RARB: variants seen among roughly 807,000 people sequenced by gnomAD.
RARB encodes the protein HBV-activated protein.
Under a neutral mutation model 51.9 loss-of-function variants are expected in RARB, and 17 were observed. The ratio of observed to expected loss-of-function variants is 0.33; its 90% CI spans 0.22 to 0.49. The LOEUF is 0.49. RARB is among the 20% of genes least tolerant of loss of function. RARB has a pLI of 0.99. For synonymous variants in RARB, 215 were observed against 195.4 expected (o/e 1.10, Z -0.84); for missense variants, 369 against 550.8 (o/e 0.67, Z 3.30).
chr3:24,987,030 CAG>C (rs1696809198), intron 2 of RARB, among the ~76,000 whole-genome samples: 1 of 152,160 alleles, frequency 6.6e-6, no homozygotes, highest in Non-Finnish European at 1.5e-5. Flanking sequence ...GGTTTGAAAA[CAG>C]TGTCTTTCTC....
rs187500922 is a variant in RARB, at chr3:25,267,394, C to G, written c.178+92819C>G. Among the ~76,000 whole-genome samples, 81 of 152,292 alleles carry G rather than the reference C, an allele frequency of 5.3e-4. No homozygotes were observed. In the East Asian group the frequency reaches 0.011, roughly 20 times the overall value. Reference sequence around the variant, plus strand: ...ATGCCCCCAGCTCCACTCTGGCCTTCCGCAACCCCCGTCTTTCACCTCACA... The same window carrying G: ...ATGCCCCCAGCTCCACTCTGGCCTTGCGCAACCCCCGTCTTTCACCTCACA... On this transcript the variant is annotated intron_variant, in intron 5 of 11. Coordinates refer to the RARB transcript ENST00000383772.
chr3:25,184,182 C>T (rs1700923651), intron 5 of RARB, among the ~76,000 whole-genome samples: 1 of 151,428 alleles, frequency 6.6e-6, no homozygotes, highest in African/African-American at 2.4e-5. Context: ...AGCCATTGTA[C>T]ATTTGGTGGA....
intron 2 of RARB, among the ~76,000 whole-genome samples, chr3:24,933,824 A>G (rs1695491380): frequency 6.6e-6 from 1 of 152,152 alleles, no homozygotes; most frequent in African/African-American, 2.4e-5. Flanking sequence ...TGTAAGATGT[A>G]ATGTAAAATA....
intron 5 of RARB, among the ~76,000 whole-genome samples, chr3:25,375,713 C>G (rs112559165): frequency 6.6e-5 from 10 of 152,312 alleles, no homozygotes; most frequent in African/African-American, 2.4e-4. Flanking sequence ...CTACAGTCTT[C>G]TCCCTATAAA....
intron 5 of RARB, among the ~76,000 whole-genome samples, chr3:25,186,147 C>T (rs895267064): frequency 5.3e-5 from 8 of 151,832 alleles, no homozygotes; most frequent in South Asian, 2.1e-4. Flanking sequence ...ACAACCCCAA[C>T]GAAAAATAAA....
At chr3:25,349,877 A>C (rs1031176306) in intron 5 of RARB, among the ~76,000 whole-genome samples, 1 of 152,176 alleles carries the variant, frequency 6.6e-6, no homozygotes, top group Admixed American at 6.6e-5. Flanking sequence ...GTGTAGGGTC[A>C]GCTAGGGTGG....
intron 4 of RARB, among the ~76,000 whole-genome samples, chr3:25,146,561 G>A (rs1700196977): frequency 6.9e-6 from 1 of 144,212 alleles, no homozygotes; most frequent in South Asian, 2.2e-4. Context: ...AGGCTGGAGT[G>A]CAATGGCGCG....
At chr3:25,157,061 G>A (rs1234484393) in intron 4 of RARB, among the ~76,000 whole-genome samples, 1 of 152,086 alleles carries the variant, frequency 6.6e-6, no homozygotes, top group African/African-American at 2.4e-5. Context: ...CAAGAAATTT[G>A]ACTTCTAAAA....
At chr3:24,906,065 A>C (rs536661332) in intron 2 of RARB, among the ~76,000 whole-genome samples, 1 of 152,334 alleles carries the variant, frequency 6.6e-6, no homozygotes, top group South Asian at 2.1e-4. Context: ...AAAATACAGT[A>C]CTAACAAAAA....
intron 2 of RARB, among the ~76,000 whole-genome samples, chr3:24,999,962 T>G (rs7650978): frequency 0.12 from 17,517 of 150,086 alleles, 2,888 homozygotes; most frequent in African/African-American, 0.37. Context: ...AAAAAAATAT[T>G]TTGACTTCTT....
intron 5 of RARB, among the ~76,000 whole-genome samples, chr3:25,228,893 T>C (rs1702115680): frequency 6.6e-6 from 1 of 152,136 alleles, no homozygotes; most frequent in African/African-American, 2.4e-5. Context: ...CTAGTGAAGA[T>C]TCTTCACCAA....
chr3:25,218,797 C>T (rs1701886820), intron 5 of RARB, among the ~76,000 whole-genome samples: 1 of 152,170 alleles, frequency 6.6e-6, no homozygotes, highest in Admixed American at 6.6e-5. Context: ...AATCGAGGCT[C>T]AGAGAGGTGA....
chr3:25,069,952 G>A lies in RARB; in HGVS notation c.-328+9776G>A, dbSNP rs562815429. 7.9e-5 allele frequency among the ~76,000 whole-genome samples: 12 copies of A among 152,340 alleles called. No homozygotes were observed. In the South Asian group the frequency reaches 2.3e-3, roughly 29 times the overall value. ...GTCATGACGAAGTGCCACAAGCTGG[G>A]TGGCTTAAAACAACAGAAATTTGTT... On this transcript the variant is annotated intron_variant, in intron 3 of 11. Transcript: ENST00000383772.
chr3:25,291,504 C>T (rs557138760), intron 5 of RARB, among the ~76,000 whole-genome samples: 9 of 126,870 alleles, frequency 7.1e-5, no homozygotes, highest in East Asian at 4.3e-4. Flanking sequence ...TGAACACACA[C>T]GGCTTGTTTG....
intron 5 of RARB, among the ~76,000 whole-genome samples, chr3:25,201,213 G>T (rs746910533): frequency 2.0e-5 from 3 of 152,052 alleles, no homozygotes; most frequent in Non-Finnish European, 4.4e-5. Context: ...GAGTTCACTC[G>T]TGATTTGGCT....
At chr3:25,369,377 C>T (rs35946440) in intron 5 of RARB, among the ~76,000 whole-genome samples, 29,657 of 151,986 alleles carry the variant, frequency 0.2, 3,648 homozygotes, top group Admixed American at 0.33. Flanking sequence ...ATGTGCCAGG[C>T]ACTATTCAAG....
chr3:24,836,972 G>A (rs1276330285), intron 1 of RARB, among the ~76,000 whole-genome samples: 1 of 152,136 alleles, frequency 6.6e-6, no homozygotes, highest in African/African-American at 2.4e-5. Flanking sequence ...TAAACAGGAA[G>A]GCAAATTCAC....
chr3:25,545,122 T>C (rs1277218742), intron 3 of RARB, among the ~76,000 whole-genome samples: 1 of 152,082 alleles, frequency 6.6e-6, no homozygotes, highest in Non-Finnish European at 1.5e-5. Context: ...TTTGTATTTT[T>C]TTAGTAGAGA....
chr3:25,250,527 A>T (rs547926068), intron 5 of RARB, among the ~76,000 whole-genome samples: 4 of 152,084 alleles, frequency 2.6e-5, no homozygotes, highest in Non-Finnish European at 2.9e-5. Flanking sequence ...GCACTTGTAG[A>T]TGTGTGGTGT....
Sources: allele counts gnomAD v4.1 joint callset (sites outside exome capture counted in the v4.1 genomes callset), GRCh38; gene constraint gnomAD v4.1.1; transcripts MANE v1.5; gene names NCBI Gene and HGNC (gene_info 2026-07-23, HGNC 2026-07-21).